POU2F1: variants seen among roughly 807,000 people sequenced by gnomAD.
POU2F1 encodes POU domain, class 2, transcription factor 1.
A neutral mutation model predicts 84.9 loss-of-function variants in POU2F1; 16 were observed. The observed-to-expected ratio is 0.19, with a 90% CI of 0.13 to 0.29. The LOEUF is 0.29. Ranked by LOEUF, POU2F1 falls within the 10% of genes least tolerant of loss-of-function variation. The pLI, the probability that POU2F1 is intolerant of heterozygous loss-of-function variation, is 1.00. For missense variants in POU2F1, 738 were observed against 942.6 expected (o/e 0.78, Z 2.84); for synonymous variants, 368 against 368.3 (o/e 1.00, Z 0.01).
At chr1:167,275,525 A>T (rs1652668716) in intron 1 of POU2F1, among the ~76,000 whole-genome samples, 1 of 152,176 alleles carries the variant, frequency 6.6e-6, no homozygotes, top group Non-Finnish European at 1.5e-5. Context: ...TACTGTGTCT[A>T]ATTCAACAGT....
In POU2F1 at chr1:167,406,235, T is replaced by TA. The variant is rs530254068; in HGVS notation, c.1555+4679_1555+4680insA. On this transcript the variant is annotated intron_variant, in intron 13 of 15. Coordinates refer to ENST00000367866, the MANE Select transcript of POU2F1 (RefSeq NM_002697.4). ...GTATGGTTAGTACAATAACTGAACATCAATTAATGTAACACATTATAATAG... is the reference window on the plus strand; with the variant it reads ...GTATGGTTAGTACAATAACTGAACATACAATTAATGTAACACATTATAATAG... Among the ~76,000 whole-genome samples, 36 of 152,280 alleles carry TA rather than the reference T, an allele frequency of 2.4e-4. 1 individual carries two copies. The South Asian group carries it at 6.8e-3, about 29-fold the overall frequency.
intron 1 of POU2F1, among the ~76,000 whole-genome samples, chr1:167,252,306 A>C (rs929465839): frequency 1.3e-5 from 2 of 152,100 alleles, no homozygotes; most frequent in African/African-American, 4.8e-5. Flanking sequence ...AGGCCATGCT[A>C]TTTGCTATTA....
chr1:167,268,927 CTT>C (rs1377199073), intron 1 of POU2F1, among the ~76,000 whole-genome samples: 2 of 152,168 alleles, frequency 1.3e-5, no homozygotes, highest in African/African-American at 4.8e-5. Flanking sequence ...AAAGTAATAA[CTT>C]TGATTTACAT....
intron 6 of POU2F1, among the ~76,000 whole-genome samples, 196 bp from the exon 7 acceptor site, chr1:167,375,829 TAGTC>T (rs1453338753): frequency 1.3e-5 from 2 of 152,220 alleles, no homozygotes; most frequent in Non-Finnish European, 2.9e-5. Context: ...TCCACAAAAA[TAGTC>T]AGTTGCAGAG....
At chr1:167,258,674 G>C (rs1465474002) in intron 1 of POU2F1, among the ~76,000 whole-genome samples, 1 of 152,196 alleles carries the variant, frequency 6.6e-6, no homozygotes, top group African/African-American at 2.4e-5. Flanking sequence ...TGTAGGCCAA[G>C]AGGCAAAATC....
In POU2F1 at chr1:167,423,323, T is replaced by C. The variant is rs923035357; in HGVS notation, c.*7513T>C. 3 of 152,172 alleles carry C rather than the reference T, an allele frequency of 2.0e-5. No individual in the cohort carries two copies. Among genetic ancestry groups the C allele is most frequent in the South Asian group, 4.1e-4 (2 of 4,826 alleles). 9.4% of individuals were successfully genotyped at this position (152,172 alleles called of 1,614,324 possible). A position where few individuals can be genotyped will look rare whatever the true frequency, so the allele number is the denominator to read the frequency against. On this transcript the variant is annotated 3_prime_UTR_variant, in exon 16 of 16. Coordinates refer to ENST00000367866, the MANE Select transcript of POU2F1 (RefSeq NM_002697.4). Reference sequence around the variant, plus strand: ...GAGAGAGGGTAAAGAAATGTATCACTCTCTGAATATTGCATCAAAAATGAT... The same window carrying C: ...GAGAGAGGGTAAAGAAATGTATCACCCTCTGAATATTGCATCAAAAATGAT...
At chr1:167,412,770 GAAAT>G (rs1254272663) in intron 14 of POU2F1, among the ~76,000 whole-genome samples, 7 of 152,114 alleles carry the variant, frequency 4.6e-5, no homozygotes, top group East Asian at 1.9e-4. Flanking sequence ...GAAAGAAAGA[GAAAT>G]AAGTCTTTCA....
At chr1:167,308,847 C>T (rs566583797) in intron 1 of POU2F1, among the ~76,000 whole-genome samples, 1 of 152,274 alleles carries the variant, frequency 6.6e-6, no homozygotes, top group East Asian at 1.9e-4. Flanking sequence ...GAACTTATTA[C>T]TGTGATGGTT....
chr1:167,391,638 C>T (rs1381241974), intron 9 of POU2F1, among the ~76,000 whole-genome samples: 4 of 131,898 alleles, frequency 3.0e-5, no homozygotes, highest in Non-Finnish European at 6.2e-5. Flanking sequence ...GGCATGATCA[C>T]GGCTCACTGC....
chr1:167,261,713 T>C (rs1348690608), intron 1 of POU2F1, among the ~76,000 whole-genome samples: 2 of 152,226 alleles, frequency 1.3e-5, no homozygotes, highest in African/African-American at 4.8e-5. Flanking sequence ...AGAGTCTTGC[T>C]CTGTTGCCCA....
At position 167,239,938 on chromosome 1, in the gene POU2F1, A is replaced by T. The variant is rs190843928; in HGVS notation, c.61+18980A>T. The stretch of plus-strand genomic sequence containing the variant: ...AAATAATTTTTATTTAGTTTTGGGG[A>T]TGGAAAGGCTTTTTTTTTTTTCTTT... On this transcript the variant is annotated intron_variant, in intron 1 of 15. Transcript: ENST00000367866. Among the ~76,000 whole-genome samples the T allele has an allele frequency of 3.3e-3, 507 of 151,976 alleles. 3 individuals carry two copies. The highest frequency in any genetic ancestry group is 0.012 in the African/African-American group (490 of 41,518).
rs759806899 is a variant in POU2F1, at chr1:167,415,709, G to T, written c.2200G>T (p.Ala734Ser). The change falls in exon 16 of 16, where the codon GCC becomes TCC. Residue 734 changes from alanine (A) to serine (S), a missense_variant. Around this residue, in one of 4 missense-constraint regions of POU2F1, gnomAD observed 319 missense variants for 386.0 expected, o/e 0.83. Transcript: ENST00000367866. The part of the protein sequence containing the change: ...GNSAPVASLH[A>S]TSTSAESIQN... ...CTCTGCACCTGTAGCCAGCCTTCACGCCACCTCCACCTCTGCTGAGTCCAT... is the reference window on the plus strand; with the variant it reads ...CTCTGCACCTGTAGCCAGCCTTCACTCCACCTCCACCTCTGCTGAGTCCAT... The T allele has an allele frequency of 6.8e-6, 11 of 1,613,894 alleles. No homozygotes were observed. The highest frequency in any genetic ancestry group is 1.3e-5 in the African/African-American group (1 of 74,868).
chr1:167,273,445 G>A (rs1369749954), intron 1 of POU2F1, among the ~76,000 whole-genome samples: 1 of 152,204 alleles, frequency 6.6e-6, no homozygotes, highest in Non-Finnish European at 1.5e-5. Context: ...CTCTGCTCCT[G>A]CAGCAGAGTC....
intron 1 of POU2F1, 113 bp downstream of exon 1, chr1:167,221,071 C>T (rs1648082102): frequency 1.0e-6 from 1 of 957,496 alleles, no homozygotes; most frequent in Middle Eastern, 3.2e-4. Flanking sequence ...TAATTAACGG[C>T]GGGGAGATGG....
intron 9 of POU2F1, among the ~76,000 whole-genome samples, chr1:167,395,269 A>C (rs1241211376): frequency 1.3e-5 from 2 of 152,206 alleles, no homozygotes; most frequent in African/African-American, 4.8e-5. Flanking sequence ...TTCTATTGCT[A>C]TAAGGTTACT....
At chr1:167,260,539 A>G (rs1651486496) in intron 1 of POU2F1, among the ~76,000 whole-genome samples, 1 of 152,132 alleles carries the variant, frequency 6.6e-6, no homozygotes, top group Non-Finnish European at 1.5e-5. Context: ...TGTGTATGGT[A>G]TGAGATGAGG....
chr1:167,251,841 G>A (rs930261351), intron 1 of POU2F1, among the ~76,000 whole-genome samples: 3 of 150,618 alleles, frequency 2.0e-5, no homozygotes, highest in Admixed American at 6.6e-5. Flanking sequence ...TTGTTTCTTC[G>A]TTATATCTTT....
intron 3 of POU2F1, among the ~76,000 whole-genome samples, chr1:167,365,985 T>C (rs1049293722): frequency 5.9e-5 from 9 of 152,200 alleles, no homozygotes; most frequent in African/African-American, 2.2e-4. Context: ...ACAGTTGATT[T>C]GGGCAACTAC....
intron 2 of POU2F1, among the ~76,000 whole-genome samples, chr1:167,360,383 A>C (rs1659277810): frequency 6.6e-6 from 1 of 152,140 alleles, no homozygotes; most frequent in African/African-American, 2.4e-5. Flanking sequence ...GTATATAGTG[A>C]GACGTAGCGG....
Sources: allele counts gnomAD v4.1 joint callset (sites outside exome capture counted in the v4.1 genomes callset), GRCh38; gene constraint gnomAD v4.1.1; regional missense constraint gnomAD v4.1.1; transcripts MANE v1.5; gene names NCBI Gene and HGNC (gene_info 2026-07-23, HGNC 2026-07-21).